The following ELP4 variants were observed in gnomAD, a reference collection of about 807,000 sequenced individuals.
ELP4 encodes elongator acetyltransferase complex subunit 4.
Under a neutral mutation model 48.9 loss-of-function variants are expected in ELP4, and 51 were observed. The observed-to-expected ratio is 1.04, with a 90% confidence interval of 0.83 to 1.32. ELP4 has a LOEUF of 1.32. Ranked by LOEUF, ELP4 falls within the 40% of genes most tolerant of loss-of-function variation. The pLI is 0.00. For synonymous variants in ELP4, 210 were observed against 189.2 expected (o/e 1.11, Z -0.90); for missense variants, 519 against 514.6 (o/e 1.01, Z -0.08).
chr11:31,518,494 A>ATT lies in ELP4; in HGVS notation c.224-1544_224-1543dup, dbSNP rs539723681. On this transcript the variant is annotated intron_variant, in intron 1 of 9. Transcript: ENST00000640961. The stretch of plus-strand genomic sequence containing the variant: ...TCATGATTATATTACCATAGTTCAG[A>ATT]TTTTTTTTTTTTTTTTTTTCTGAAA... 1.4e-3 allele frequency among the ~76,000 whole-genome samples: 170 copies of ATT among 122,844 alleles called. 2 individuals carry two copies. The highest frequency in any genetic ancestry group is 1.6e-3 in the African/African-American group (54 of 33,152). 80.6% of individuals were successfully genotyped at this position (122,844 alleles called of 152,430 possible).
intron 3 of ELP4, among the ~76,000 whole-genome samples, chr11:31,570,888 T>A (rs1957183467): frequency 7.2e-6 from 1 of 139,212 alleles, no homozygotes; most frequent in African/African-American, 2.7e-5. Flanking sequence ...CAACCTCCAC[T>A]TCCTGGGTTC....
At chr11:31,604,663 A>ATC (rs1367131605) in intron 5 of ELP4, among the ~76,000 whole-genome samples, 2 of 151,942 alleles carry the variant, frequency 1.3e-5, no homozygotes, top group African/African-American at 4.8e-5. Context: ...TGAGCTATTA[A>ATC]ATGAAGATTT....
At position 31,611,633 on chromosome 11, in the gene ELP4, T is replaced by C. The variant is rs541662551; in HGVS notation, c.653+7726T>C. ...ATAATCATATGTCCGATAATATTTA[T>C]TGAAAGCTTTTTCCAAATCTCAACA... On this transcript the variant is annotated intron_variant, in intron 5 of 9. Transcript: ENST00000640961. 2.0e-5 allele frequency among the ~76,000 whole-genome samples: 3 copies of C among 152,328 alleles called. No individual in the cohort carries two copies. In the East Asian group the frequency reaches 5.8e-4, roughly 29 times the overall value.
chr11:31,644,452 A>C (rs1945161694), intron 7 of ELP4, among the ~76,000 whole-genome samples: 1 of 151,818 alleles, frequency 6.6e-6, no homozygotes, highest in South Asian at 2.1e-4. Context: ...TAACATAAAA[A>C]CACTTGGAAT....
intron 5 of ELP4, among the ~76,000 whole-genome samples, chr11:31,608,202 T>A (rs976173795): frequency 6.6e-6 from 1 of 151,980 alleles, no homozygotes; most frequent in Non-Finnish European, 1.5e-5. Context: ...AAGCATCCTT[T>A]AGGTCGATTA....
chr11:31,704,446 T>C (rs919021696), intron 9 of ELP4, among the ~76,000 whole-genome samples: 1 of 151,702 alleles, frequency 6.6e-6, no homozygotes, highest in Non-Finnish European at 1.5e-5. Context: ...ATGAGAACAC[T>C]TGGACACAGG....
intron 3 of ELP4, among the ~76,000 whole-genome samples, chr11:31,579,953 A>G (rs1185335886): frequency 2.0e-5 from 3 of 152,106 alleles, no homozygotes; most frequent in Admixed American, 1.3e-4. Flanking sequence ...AATAAAAATA[A>G]TATAAAACAA....
intron 9 of ELP4, among the ~76,000 whole-genome samples, chr11:31,735,899 C>T (rs1458412476): frequency 6.6e-6 from 1 of 152,110 alleles, no homozygotes; most frequent in Non-Finnish European, 1.5e-5. Context: ...GGCCATACTT[C>T]CCAAGGTAAT....
chr11:31,512,960 T>C (rs149187663), intron 1 of ELP4, among the ~76,000 whole-genome samples: 5 of 152,162 alleles, frequency 3.3e-5, no homozygotes, highest in East Asian at 3.9e-4. Flanking sequence ...TAAATTTTGA[T>C]AGTGAAGGGA....
At chr11:31,756,425 CCT>C (rs1056334519) in intron 9 of ELP4, among the ~76,000 whole-genome samples, 14 of 152,150 alleles carry the variant, frequency 9.2e-5, no homozygotes, top group African/African-American at 3.1e-4. Context: ...CACTTTTACC[CCT>C]CTTTGGCTTT....
intron 3 of ELP4, among the ~76,000 whole-genome samples, chr11:31,570,035 A>G (rs1268005207): frequency 6.6e-6 from 1 of 152,210 alleles, no homozygotes; most frequent in Non-Finnish European, 1.5e-5. Context: ...AAAATAAATC[A>G]TTCTGCCAAA....
At chr11:31,680,540 A>G (rs1301106359) in intron 9 of ELP4, among the ~76,000 whole-genome samples, 1 of 152,174 alleles carries the variant, frequency 6.6e-6, no homozygotes, top group Non-Finnish European at 1.5e-5. Context: ...AGAAGGAAGC[A>G]AAGGGCAAGG....
intron 5 of ELP4, among the ~76,000 whole-genome samples, chr11:31,613,540 T>C (rs10430945): frequency 0.98 from 149,926 of 152,214 alleles, 73,869 homozygotes; most frequent in Middle Eastern, 1. Context: ...TACTTCTTAA[T>C]ATCCTGCAAT....
At chr11:31,716,178 C>G (rs1204093078) in intron 9 of ELP4, among the ~76,000 whole-genome samples, 3 of 152,078 alleles carry the variant, frequency 2.0e-5, no homozygotes, top group Non-Finnish European at 4.4e-5. Flanking sequence ...CCACATCCAG[C>G]TAATTTATTT....
At chr11:31,520,141 T>A in intron 2 of ELP4, 50 bp downstream of exon 2, 1 of 1,487,184 alleles carries the variant, frequency 6.7e-7, no homozygotes, top group Non-Finnish European at 9.2e-7. Context: ...TTTTCTGTTG[T>A]GCATAATCAT....
At chr11:31,768,581 A>G (rs966976527) in intron 9 of ELP4, among the ~76,000 whole-genome samples, 15 of 152,244 alleles carry the variant, frequency 9.9e-5, no homozygotes, top group Non-Finnish European at 1.8e-4. Flanking sequence ...TTTGACAAAG[A>G]TAAAACATAA....
At chr11:31,667,578 T>C (rs1240249749) in intron 9 of ELP4, among the ~76,000 whole-genome samples, 2 of 152,178 alleles carry the variant, frequency 1.3e-5, no homozygotes, top group African/African-American at 4.8e-5. Context: ...TAGTTACCAG[T>C]GAGCCATGTA....
intron 3 of ELP4, among the ~76,000 whole-genome samples, chr11:31,547,996 A>C (rs991812577): frequency 7.2e-5 from 11 of 152,206 alleles, no homozygotes; most frequent in Admixed American, 1.3e-4. Flanking sequence ...TCAAAATAAT[A>C]AGAGCTATCT....
chr11:31,634,899 A>T (rs926609138), intron 7 of ELP4, among the ~76,000 whole-genome samples: 1 of 151,926 alleles, frequency 6.6e-6, no homozygotes, highest in African/African-American at 2.4e-5. Flanking sequence ...GTCTTTTTTT[A>T]AAAAACTGCA....
Sources: gnomAD v4.1 joint callset for allele counts (sites outside exome capture counted in the v4.1 genomes callset) on GRCh38, gnomAD v4.1.1 for gene constraint, MANE v1.5 for transcripts, NCBI Gene and HGNC (gene_info 2026-07-23, HGNC 2026-07-21) for gene names.